Variants in ASXL3 observed in about 807,000 individuals in gnomAD.
ASXL3 encodes ASXL transcriptional regulator 3.
In ASXL3, 34 loss-of-function variants were observed where a neutral mutation model predicts 170.6. The observed-to-expected ratio is 0.20, with a 90% confidence interval of 0.15 to 0.27. ASXL3 has a LOEUF of 0.27. Among genes scored for constraint, ASXL3 ranks in the 10% least tolerant of loss-of-function variants. ASXL3 has a pLI of 1.00. For missense variants in ASXL3, 2,592 were observed against 2,695.3 expected, an observed-to-expected ratio of 0.96 and a Z score of 0.85; for synonymous variants, 1,002 against 989.1, an observed-to-expected ratio of 1.01 and a Z score of -0.24.
rs554834298 is a variant in ASXL3 at position 33,652,603 on chromosome 18, C to CAAAAAAA, written c.355+6257_355+6263dup. On this transcript the variant is annotated intron_variant, in intron 4 of 11. Coordinates refer to ENST00000269197, the MANE Select transcript of ASXL3 (RefSeq NM_030632.3). ...AGTATTTTAAAAGTTTCTGTTGGGG[C>CAAAAAAA]AAAAAAAAAAAAAGAACATGAATCT... Among the ~76,000 whole-genome samples the CAAAAAAA allele has an allele frequency of 1.1e-4, 12 of 112,322 alleles. 1 individual carries two copies. The highest frequency in any genetic ancestry group is 3.1e-4 in the South Asian group (1 of 3,210). 73.7% of individuals were successfully genotyped at this position (112,322 alleles called of 152,430 possible). A position where few individuals can be genotyped will look rare whatever the true frequency, so the allele number is the denominator to read the frequency against.
At chr18:33,658,662 A>G (rs939163444) in intron 4 of ASXL3, among the ~76,000 whole-genome samples, 5 of 152,070 alleles carry the variant, frequency 3.3e-5, no homozygotes, top group East Asian at 1.9e-4. Flanking sequence ...TTAAAGTTCT[A>G]TAGTTATTGT....
chr18:33,737,472 C>T (rs560706040), intron 10 of ASXL3, among the ~76,000 whole-genome samples: 1 of 152,170 alleles, frequency 6.6e-6, no homozygotes, highest in African/African-American at 2.4e-5. Flanking sequence ...CTGATGCTGA[C>T]AGTGTAAATT....
At chr18:33,632,869 C>A (rs1463098364) in intron 2 of ASXL3, among the ~76,000 whole-genome samples, 1 of 152,124 alleles carries the variant, frequency 6.6e-6, no homozygotes, top group African/African-American at 2.4e-5. Context: ...TCCTCTGGGG[C>A]TCTCTATCAT....
At chr18:33,694,592 TA>T (rs1160178072) in intron 8 of ASXL3, among the ~76,000 whole-genome samples, 1 of 152,088 alleles carries the variant, frequency 6.6e-6, no homozygotes, top group Non-Finnish European at 1.5e-5. Context: ...TGCTTCTAAA[TA>T]AGTTGTGCCT....
intron 8 of ASXL3, among the ~76,000 whole-genome samples, chr18:33,694,468 C>G (rs1333795534): frequency 6.6e-6 from 1 of 152,026 alleles, no homozygotes; most frequent in East Asian, 1.9e-4. Flanking sequence ...AGGTTGTTGT[C>G]ATTTCTGTCA....
At chr18:33,588,089 T>C (rs747306643) in intron 1 of ASXL3, among the ~76,000 whole-genome samples, 13 of 152,174 alleles carry the variant, frequency 8.5e-5, no homozygotes, top group Non-Finnish European at 1.8e-4. Context: ...ATATTTGCTT[T>C]AAAATGTGGA....
chr18:33,646,334 C>T lies in ASXL3; in HGVS notation c.336C>T (p.Ala112=), dbSNP rs185064410. The T allele has an allele frequency of 3.2e-5, 52 of 1,608,448 alleles. No homozygotes were observed. Among genetic ancestry groups the T allele is most frequent in the Admixed American group, 6.7e-5 (4 of 59,542 alleles). ...GTACAGATATGGCCGAGGCAAATGCCCATGGAGAAGAAAATGGAGGTAAGT... is the reference window on the plus strand; with the variant it reads ...GTACAGATATGGCCGAGGCAAATGCTCATGGAGAAGAAAATGGAGGTAAGT... ...LDGTDMAEAN[A]HGEENGVCSK... The change falls in exon 4 of 12, where the codon GCC becomes GCT. Residue 112 remains alanine, a synonymous_variant. Coordinates refer to ENST00000269197, the MANE Select transcript of ASXL3 (RefSeq NM_030632.3).
chr18:33,593,093 A>C (rs1204122285), intron 1 of ASXL3, among the ~76,000 whole-genome samples: 1 of 152,118 alleles, frequency 6.6e-6, no homozygotes, highest in East Asian at 1.9e-4. Flanking sequence ...GAGAAAGGGC[A>C]CCTGGACATT....
At chr18:33,627,375 CTCTG>C (rs1246722732) in intron 2 of ASXL3, among the ~76,000 whole-genome samples, 13 of 152,118 alleles carry the variant, frequency 8.5e-5, no homozygotes, top group Non-Finnish European at 1.9e-4. Context: ...TTTCTAATTT[CTCTG>C]TCTGAATTAA....
rs182503867 is a variant in ASXL3, at chr18:33,649,061, C to G, written c.355+2708C>G. On this transcript the variant is annotated intron_variant, in intron 4 of 11. Transcript: ENST00000269197. The stretch of plus-strand genomic sequence containing the variant: ...CAATTCTTTCAAGGAATTTTGAGGT[C>G]AGGGGAAGGAGTGGAATGGGAAAAT... 4.0e-5 allele frequency among the ~76,000 whole-genome samples: 6 copies of G among 151,758 alleles called. No individual in the cohort carries two copies. The East Asian group carries it at 1.2e-3, about 30-fold the overall frequency.
chr18:33,587,708 G>A (rs1200378181), intron 1 of ASXL3, among the ~76,000 whole-genome samples: 1 of 151,576 alleles, frequency 6.6e-6, no homozygotes, highest in Non-Finnish European at 1.5e-5. Context: ...TCAAGATTGG[G>A]TACAAAAATA....
At chr18:33,581,730 G>A (rs2064994039) in intron 1 of ASXL3, among the ~76,000 whole-genome samples, 1 of 152,100 alleles carries the variant, frequency 6.6e-6, no homozygotes, top group Non-Finnish European at 1.5e-5. Flanking sequence ...CTCTGGAGTG[G>A]CAACTTTAGG....
At chr18:33,579,818 G>A (rs1347496539) in intron 1 of ASXL3, among the ~76,000 whole-genome samples, 1 of 151,922 alleles carries the variant, frequency 6.6e-6, no homozygotes, top group Admixed American at 6.6e-5. Context: ...TGCAGCGGGG[G>A]TTTTGGGAGG....
intron 7 of ASXL3, among the ~76,000 whole-genome samples, chr18:33,675,649 C>G (rs1190602076): frequency 6.6e-6 from 1 of 152,112 alleles, no homozygotes; most frequent in Non-Finnish European, 1.5e-5. Flanking sequence ...CTCTTGATTT[C>G]TAGCAATTAG....
At chr18:33,697,839 C>CA (rs11376417) in intron 8 of ASXL3, among the ~76,000 whole-genome samples, 85,163 of 151,444 alleles carry the variant, frequency 0.56, 24,330 homozygotes, top group East Asian at 0.87. Flanking sequence ...CTCTGTCTCT[C>CA]AAAAAAATCA....
At chr18:33,639,485 A>C (rs370551479) in intron 2 of ASXL3, among the ~76,000 whole-genome samples, 1 of 152,130 alleles carries the variant, frequency 6.6e-6, no homozygotes, top group South Asian at 2.1e-4. Context: ...CATGTTCTTT[A>C]CTAGATGTCT....
chr18:33,626,152 A>G (rs1194591177), intron 2 of ASXL3, among the ~76,000 whole-genome samples: 3 of 152,158 alleles, frequency 2.0e-5, no homozygotes, highest in African/African-American at 4.8e-5. Context: ...ACTCTATGTA[A>G]TGTCTATTAC....
rs563519634 is a variant in ASXL3, at chr18:33,748,297, C to A, written c.*1702C>A. ...ACACTTGTGATTTTTTTATAATAAC[C>A]AACTATATAATATGTTTTTTTCTCC... On this transcript the variant is annotated 3_prime_UTR_variant, in exon 12 of 12. Transcript: ENST00000269197. 5 of 152,058 alleles carry A rather than the reference C, an allele frequency of 3.3e-5. No individual in the cohort carries two copies. The highest frequency in any genetic ancestry group is 2.1e-4 in the South Asian group (1 of 4,826). 9.4% of individuals were successfully genotyped at this position (152,058 alleles called of 1,614,324 possible). A position where few individuals can be genotyped will look rare whatever the true frequency, so the allele number is the denominator to read the frequency against.
chr18:33,672,738 C>T (rs1599475444), intron 7 of ASXL3, among the ~76,000 whole-genome samples: 1 of 152,090 alleles, frequency 6.6e-6, no homozygotes, highest in African/African-American at 2.4e-5. Context: ...TGAGATAATT[C>T]TTATTTGCAG....
Sources: gnomAD v4.1 joint callset for allele counts (sites outside exome capture counted in the v4.1 genomes callset) on GRCh38, gnomAD v4.1.1 for gene constraint, MANE v1.5 for transcripts, NCBI Gene and HGNC (gene_info 2026-07-23, HGNC 2026-07-21) for gene names.